IGFN1: variants seen among roughly 807,000 people sequenced by gnomAD.
The protein encoded by IGFN1 is immunoglobulin-like and fibronectin type III domain-containing protein 1.
IGFN1 carries 253 observed loss-of-function variants against 289.5 expected under a neutral mutation model. That is an observed-to-expected ratio of 0.87 (90% CI 0.79 to 0.97). The LOEUF (loss-of-function observed/expected upper bound fraction) is 0.97. Among genes scored for constraint, IGFN1 ranks in the 50% least tolerant of loss-of-function variants. The pLI, the probability that IGFN1 is intolerant of heterozygous loss-of-function variation, is 0.00. For synonymous variants in IGFN1, 1,706 were observed against 1,788.5 expected (o/e 0.95, Z 1.16); for missense variants, 4,470 against 4,686.1 (o/e 0.95, Z 1.35).
chr1:201,226,265 C>T, intron 22 of IGFN1, 142 bp downstream of exon 22: 2 of 973,088 alleles, frequency 2.1e-6, no homozygotes, highest in South Asian at 1.9e-5. Flanking sequence ...CAGCCAGCAG[C>T]CCCGAGCTGC....
chr1:201,216,553 C>T lies in IGFN1; in HGVS notation c.9395C>T (p.Thr3132Ile), dbSNP rs778716240. ...WRPPRDNGGRTVECYVVERRQ... is the reference protein window; with the variant it reads ...WRPPRDNGGRIVECYVVERRQ... Reference sequence around the variant, plus strand: ...CCCCCAAGGGACAATGGGGGCCGGACTGTAGAGTGCTACGTGGTGGAGAGA... The same window carrying T: ...CCCCCAAGGGACAATGGGGGCCGGATTGTAGAGTGCTACGTGGTGGAGAGA... Residue 3132 changes from threonine (T) to isoleucine (I), a missense_variant, in exon 16 of 24, where the codon ACT (threonine) becomes ATT (isoleucine). Thr to Ile is a moderately conservative substitution (Grantham distance 89). Coordinates refer to ENST00000335211, the MANE Select transcript of IGFN1 (RefSeq NM_001164586.2). 20 of 1,613,372 alleles carry T rather than the reference C, an allele frequency of 1.2e-5. No homozygotes were observed. Among genetic ancestry groups the T allele is most frequent in the Non-Finnish European group, 1.6e-5 (19 of 1,179,816 alleles).
In IGFN1 at chr1:201,207,989, G is replaced by A. The variant is rs1667513331; in HGVS notation, c.3096G>A (p.Gly1032=). 1 of 1,536,836 alleles carries A rather than the reference G, an allele frequency of 6.5e-7. No homozygotes were observed. ...AAGATTCTGGCCCTGCAGGAGGAGG[G>A]TCTGGGAGAGTTGCCAGTCTTAAAA... ...GNEDSGPAGG[G]SGRVASLKNG... The change falls in exon 12 of 24, where the codon GGG becomes GGA. Residue 1032 remains glycine, a synonymous_variant. Transcript: ENST00000335211.
At position 201,225,865 on chromosome 1, in the gene IGFN1, G is replaced by A. The variant is rs746373077; in HGVS notation, c.10528G>A (p.Val3510Met). The change falls in exon 22 of 24, where the codon GTG becomes ATG. Residue 3510 changes from valine to methionine, a missense_variant. Val to Met is a conservative substitution (Grantham distance 21, BLOSUM62 1). Coordinates refer to ENST00000335211, the MANE Select transcript of IGFN1 (RefSeq NM_001164586.2). ...TGGGCCCATCCACCTGCAGGAGAAC[G>A]TGCCTGGGACGGTGACGGCCGAGTG... ...APGPIHLQEN[V>M]PGTVTAEWEP... 1.5e-5 allele frequency: 24 copies of A among 1,613,080 alleles called. No individual in the cohort carries two copies. The highest frequency in any genetic ancestry group is 1.7e-4 in the Middle Eastern group (1 of 6,012).
intron 20 of IGFN1, chr1:201,223,215 A>G (rs1653851293): frequency 6.2e-6 from 1 of 160,154 alleles, no homozygotes; most frequent in African/African-American, 2.4e-5. Flanking sequence ...CATGACCTAT[A>G]TTTGACTCAG....
Position 201,206,138 on chromosome 1 carries a change from A to G in IGFN1, c.1245A>G (p.Gln415=). The change falls in exon 12 of 24, where the codon CAA becomes CAG. Residue 415 remains glutamine (Q), a synonymous_variant. Transcript: ENST00000335211. ...STSADHKLQR[Q]GAQASGAEES... ...GTGCTGACCACAAACTGCAGAGGCA[A>G]GGAGCCCAGGCATCAGGAGCAGAAG... 1 of 1,550,956 alleles carries G rather than the reference A, an allele frequency of 6.4e-7. No homozygotes were observed. Among genetic ancestry groups the G allele is most frequent in the Non-Finnish European group, 8.7e-7 (1 of 1,146,958 alleles).
At chr1:201,218,035 G>A (rs2102360826) in intron 17 of IGFN1, among the ~76,000 whole-genome samples, 1 of 152,358 alleles carries the variant, frequency 6.6e-6, no homozygotes, top group Admixed American at 6.5e-5. Flanking sequence ...ATAACCCTTA[G>A]CATTTCCTTG....
chr1:201,228,413 T>C lies in IGFN1; in HGVS notation c.*14T>C. 6.2e-7 allele frequency: 1 copy of C among 1,613,858 alleles called. No homozygotes were observed. The highest frequency in any genetic ancestry group is 1.1e-5 in the South Asian group (1 of 91,078). Reference sequence around the variant, plus strand: ...CCCAGCACCTAGCCTCACCTCACCCTGGGATGGTCCTGGACCCTTGAAGCT... The same window carrying C: ...CCCAGCACCTAGCCTCACCTCACCCCGGGATGGTCCTGGACCCTTGAAGCT... On this transcript the variant is annotated 3_prime_UTR_variant, in exon 24 of 24. Transcript: ENST00000335211.
rs1667595372 is a variant in IGFN1, at chr1:201,209,329, G to A, written c.4436G>A (p.Arg1479Lys). 1 of 1,485,170 alleles carries A rather than the reference G, an allele frequency of 6.7e-7. No individual in the cohort carries two copies. The highest frequency in any genetic ancestry group is 8.9e-7 in the Non-Finnish European group (1 of 1,126,984). The allele number at this position is 1,485,170 out of a possible 1,614,324, so 92.0% of individuals were successfully genotyped here. A position where few individuals can be genotyped will look rare whatever the true frequency, so the allele number is the denominator to read the frequency against. The change falls in exon 12 of 24, where the codon AGG (arginine) becomes AAG (lysine). Residue 1479 changes from arginine (R) to lysine (K), a missense_variant. Physicochemically the swap from Arg to Lys is conservative, Grantham distance 26 (BLOSUM62 2). This residue lies in a region of IGFN1 where 2,011 missense variants were observed against 1,953.4 expected (regional missense o/e 1.03). Coordinates refer to ENST00000335211, the MANE Select transcript of IGFN1 (RefSeq NM_001164586.2). ...GATTCAGGGAGCAAGGCAGGTTACA[G>A]GGGTGGTTTAAGGGGTTCTGGGGAA... is the stretch of plus-strand genomic sequence containing the variant. ...RMDSGSKAGY[R>K]GGLRGSGEMG...
intron 9 of IGFN1, 52 bp from the exon 10 acceptor site, chr1:201,203,686 G>A (rs1217958176): frequency 6.6e-7 from 1 of 1,519,560 alleles, no homozygotes; most frequent in East Asian, 2.5e-5. Flanking sequence ...ACTGGGGCAG[G>A]AAGCACTGAG....
Position 201,213,308 on chromosome 1 carries a change from T to C in IGFN1, c.8415T>C (p.Ala2805=). ...KEDEGQGVEE[A]GRSGRRPGSL... ...ATGAAGGGCAGGGAGTGGAAGAGGC[T>C]GGGAGGTCAGGCAGGAGGCCTGGCT... The change falls in exon 12 of 24, where the codon GCT becomes GCC. Residue 2805 remains alanine, a synonymous_variant. Coordinates refer to ENST00000335211, the MANE Select transcript of IGFN1 (RefSeq NM_001164586.2). 1 of 1,574,368 alleles carries C rather than the reference T, an allele frequency of 6.4e-7. No homozygotes were observed. Among genetic ancestry groups the C allele is most frequent in the Non-Finnish European group, 8.6e-7 (1 of 1,160,168 alleles).
chr1:201,196,025 C>G (rs772114264), intron 4 of IGFN1, 47 bp downstream of exon 4: 5 of 1,538,012 alleles, frequency 3.3e-6, no homozygotes, highest in Non-Finnish European at 4.4e-6. Flanking sequence ...TCGTCTTTTC[C>G]CATCCCCTTG....
rs1341631 is a variant in IGFN1, at chr1:201,206,587, G to A, written c.1694G>A (p.Arg565Gln). 12 of 1,547,998 alleles carry A rather than the reference G, an allele frequency of 7.8e-6. No homozygotes were observed. The highest frequency in any genetic ancestry group is 6.9e-5 in the African/African-American group (5 of 72,924). ...KAGGWEAGSS[R>Q]LQAGGLGSSR... ...GGAGGCTGGGAGGCTGGGTCCAGTC[G>A]GCTTCAGGCTGGAGGACTGGGGAGC... The change falls in exon 12 of 24, where the codon CGG becomes CAG. Residue 565 changes from arginine to glutamine, a missense_variant. Physicochemically the swap from Arg to Gln is conservative, Grantham distance 43. This residue lies in a region of IGFN1 where 2,011 missense variants were observed against 1,953.4 expected (regional missense o/e 1.03). Coordinates refer to ENST00000335211, the MANE Select transcript of IGFN1 (RefSeq NM_001164586.2).
In IGFN1 at chr1:201,213,333, T is replaced by C. The variant is rs1184349562; in HGVS notation, c.8440T>C (p.Ser2814Pro). ...TGGGAGGTCAGGCAGGAGGCCTGGC[T>C]CACTCAGGAGCAGGTCTCAGGCACA... ...EAGRSGRRPG[S>P]LRSRSQAQSG... The change falls in exon 12 of 24, where the codon TCA becomes CCA. Residue 2814 changes from serine (S) to proline (P), a missense_variant. Physicochemically the swap from Ser to Pro is moderately conservative, Grantham distance 74. This residue lies in a region of IGFN1 where 2,218 missense variants were observed against 2,114.1 expected (regional missense o/e 1.05). Coordinates refer to ENST00000335211, the MANE Select transcript of IGFN1 (RefSeq NM_001164586.2). 1.3e-6 allele frequency: 2 copies of C among 1,597,184 alleles called. No homozygotes were observed. The highest frequency in any genetic ancestry group is 2.3e-5 in the South Asian group (2 of 88,798).
At position 201,228,700 on chromosome 1, in the gene IGFN1, C is replaced by T. The variant is rs936880156; in HGVS notation, c.*301C>T. 1.8e-5 allele frequency: 8 copies of T among 457,004 alleles called. No homozygotes were observed. Among genetic ancestry groups the T allele is most frequent in the South Asian group, 1.0e-4 (4 of 38,792 alleles). 28.3% of individuals were successfully genotyped at this position (457,004 alleles called of 1,614,324 possible). On this transcript the variant is annotated 3_prime_UTR_variant, in exon 24 of 24. Transcript: ENST00000335211. ...TTCGCTTCAGGAGATCCAGAGGGCACCTGCCTGCAGGATGGGCCGGCTCCT... is the reference window on the plus strand; with the variant it reads ...TTCGCTTCAGGAGATCCAGAGGGCATCTGCCTGCAGGATGGGCCGGCTCCT...
chr1:201,215,187 C>T, intron 14 of IGFN1, 33 bp downstream of exon 14: 1 of 1,599,312 alleles, frequency 6.3e-7, no homozygotes, highest in Non-Finnish European at 8.5e-7. Context: ...CCTGCCCTGT[C>T]CTGTCCCACA....
At chr1:201,192,349 G>A (rs1444071022) in intron 1 of IGFN1, among the ~76,000 whole-genome samples, 4 of 152,190 alleles carry the variant, frequency 2.6e-5, no homozygotes, top group Non-Finnish European at 4.4e-5. Flanking sequence ...TGGGCCAATC[G>A]CACAGAGGGT....
In IGFN1 at chr1:201,206,853, G is replaced by C. The variant is rs1451790650; in HGVS notation, c.1960G>C (p.Val654Leu). 2.0e-6 allele frequency: 3 copies of C among 1,536,592 alleles called. No individual in the cohort carries two copies. The highest frequency in any genetic ancestry group is 1.2e-5 in the South Asian group (1 of 84,000). Residue 654 changes from valine (V) to leucine (L), a missense_variant, in exon 12 of 24, where the codon GTG becomes CTG. By Grantham distance (32) the Val-to-Leu change is conservative. This residue lies in a region of IGFN1 where 2,011 missense variants were observed against 1,953.4 expected (regional missense o/e 1.03). Transcript: ENST00000335211. ...TAGGGAAAGGGGGAGAGGAATAGTAGTGTGGGGTGGTGGGACTGGCCTGGG... is the reference window on the plus strand; with the variant it reads ...TAGGGAAAGGGGGAGAGGAATAGTACTGTGGGGTGGTGGGACTGGCCTGGG... ...PSRERGRGIVVWGGGTGLGEA... is the reference protein window; with the variant it reads ...PSRERGRGIVLWGGGTGLGEA...
Position 201,201,796 on chromosome 1 carries a change from T to A in IGFN1, c.711T>A (p.Asp237Glu), listed in dbSNP as rs1414594490. 5 of 1,544,074 alleles carry A rather than the reference T, an allele frequency of 3.2e-6. No homozygotes were observed. Among genetic ancestry groups the A allele is most frequent in the Non-Finnish European group, 2.6e-6 (3 of 1,140,552 alleles). ...DGNAKFDLEL[D>E]LKDSQSKIYL... ...ATGCAAAGTTTGACTTGGAGCTGGATCTCAAGGATTCTCAGAGCAAGATTT... is the reference window on the plus strand; with the variant it reads ...ATGCAAAGTTTGACTTGGAGCTGGAACTCAAGGATTCTCAGAGCAAGATTT... The change falls in exon 9 of 24, where the codon GAT becomes GAA. Residue 237 changes from aspartate to glutamate, a missense_variant. This residue lies in a region of IGFN1 where 2,011 missense variants were observed against 1,953.4 expected (regional missense o/e 1.03). Transcript: ENST00000335211.
chr1:201,227,007 C>T lies in IGFN1; in HGVS notation c.10912C>T (p.Gln3638Ter), dbSNP rs1293132919. Residue 3638 changes from glutamine to a stop codon, truncating the protein, a stop_gained, in exon 23 of 24, where the codon CAG (glutamine) becomes TAG (stop). Transcript: ENST00000335211. LOFTEE classifies it high-confidence loss of function. ...CGAGTGCTGCATGAGCTGTGCCGTG[C>T]AGGGCTCGCCCCGGCCCCACGTCAC... Reference protein sequence around the residue: ...GCECCMSCAVQGSPRPHVTWF... With the variant: ...GCECCMSCAV 1.1e-5 allele frequency: 18 copies of T among 1,613,294 alleles called. No homozygotes were observed. The highest frequency in any genetic ancestry group is 1.4e-5 in the Non-Finnish European group (17 of 1,180,038).
Sources: gnomAD v4.1 joint callset for allele counts (sites outside exome capture counted in the v4.1 genomes callset) on GRCh38, gnomAD v4.1.1 for gene constraint, gnomAD v4.1.1 regional missense constraint, MANE v1.5 for transcripts, NCBI Gene and HGNC (gene_info 2026-07-23, HGNC 2026-07-21) for gene names.